WDFY4: variants seen among roughly 807,000 people sequenced by gnomAD.
WDFY4 encodes WDFY family member 4.
In WDFY4, 169 loss-of-function variants were observed where a neutral mutation model predicts 351.9. The observed-to-expected ratio is 0.48, with a 90% CI of 0.42 to 0.55. The LOEUF is 0.55. Ranked by LOEUF, WDFY4 falls within the 20% of genes least tolerant of loss-of-function variation. WDFY4 has a pLI of 0.00. For missense variants in WDFY4, 3,803 were observed against 3,935.6 expected (o/e 0.97, Z 0.90); for synonymous variants, 1,622 against 1,574.6 (o/e 1.03, Z -0.71).
At chr10:48,689,601 T>C (rs1014406493) in intron 1 of WDFY4, among the ~76,000 whole-genome samples, 4 of 152,254 alleles carry the variant, frequency 2.6e-5, no homozygotes, top group Non-Finnish European at 4.4e-5. Flanking sequence ...AAATTACACA[T>C]GTGGCTGGAA....
At chr10:48,772,342 G>A (rs2065890362) in intron 13 of WDFY4, among the ~76,000 whole-genome samples, 1 of 152,030 alleles carries the variant, frequency 6.6e-6, no homozygotes, top group Admixed American at 6.5e-5. Context: ...GTGCACACAG[G>A]CATGTATGGT....
At chr10:48,840,328 G>C (rs2068553499) in intron 39 of WDFY4, among the ~76,000 whole-genome samples, 1 of 151,896 alleles carries the variant, frequency 6.6e-6, no homozygotes, top group South Asian at 2.1e-4. Flanking sequence ...GGGGCGGTGG[G>C]GAGGGGCTCC....
intron 1 of WDFY4, among the ~76,000 whole-genome samples, chr10:48,700,312 T>A (rs1227369806): frequency 2.0e-5 from 3 of 152,196 alleles, no homozygotes; most frequent in African/African-American, 7.2e-5. Context: ...AGACTGTGCT[T>A]TGGGGGCCCT....
intron 19 of WDFY4, among the ~76,000 whole-genome samples, chr10:48,786,032 T>C (rs183485052): frequency 2.0e-5 from 3 of 152,336 alleles, no homozygotes; most frequent in Non-Finnish European, 4.4e-5. Flanking sequence ...TTTTCCATCA[T>C]CACTTAGGAA....
intron 13 of WDFY4, among the ~76,000 whole-genome samples, chr10:48,770,595 G>T (rs2065831287): frequency 6.8e-6 from 1 of 146,780 alleles, no homozygotes; most frequent in South Asian, 2.2e-4. Context: ...GTTTTGAGAA[G>T]AGAAGCAGGG....
chr10:48,826,508 A>G (rs2068016942), intron 35 of WDFY4, among the ~76,000 whole-genome samples, 163 bp from the exon 36 acceptor site: 1 of 152,322 alleles, frequency 6.6e-6, no homozygotes, highest in East Asian at 1.9e-4. Flanking sequence ...TGTGAAGAAT[A>G]TCAATGGTAG....
At chr10:48,732,342 C>T (rs910286370) in intron 9 of WDFY4, among the ~76,000 whole-genome samples, 1 of 152,184 alleles carries the variant, frequency 6.6e-6, no homozygotes, top group Admixed American at 6.5e-5. Flanking sequence ...AGTCTGTCTA[C>T]ACCTGCTGCT....
chr10:48,750,372 C>A (rs1045072565), intron 12 of WDFY4, among the ~76,000 whole-genome samples: 6 of 152,234 alleles, frequency 3.9e-5, no homozygotes, highest in African/African-American at 1.4e-4. Context: ...TCTGGGGGTC[C>A]TGCCTGCCCA....
intron 31 of WDFY4, among the ~76,000 whole-genome samples, chr10:48,815,668 A>G (rs1025159392): frequency 6.6e-6 from 1 of 152,072 alleles, no homozygotes; most frequent in East Asian, 1.9e-4. Flanking sequence ...CATGTTGGCC[A>G]GGCTCAGAAG....
At chr10:48,716,764 A>G (rs2063924096) in intron 2 of WDFY4, among the ~76,000 whole-genome samples, 1 of 152,216 alleles carries the variant, frequency 6.6e-6, no homozygotes. Flanking sequence ...GATGCTTCTG[A>G]GTCAAATGCC....
chr10:48,906,814 A>G (rs935629459), intron 47 of WDFY4, among the ~76,000 whole-genome samples: 1 of 152,246 alleles, frequency 6.6e-6, no homozygotes, highest in African/African-American at 2.4e-5. Context: ...TAAAGGGGAA[A>G]AAATAGGTGT....
chr10:48,868,369 A>G (rs2069629869), intron 40 of WDFY4, among the ~76,000 whole-genome samples: 1 of 152,172 alleles, frequency 6.6e-6, no homozygotes, highest in Admixed American at 6.5e-5. Flanking sequence ...TGTGATAGTC[A>G]GAGGGATCAG....
Position 48,959,821 on chromosome 10 carries a change from A to G in WDFY4, c.8223+8A>G, listed in dbSNP as rs1438312238. 3 of 1,546,192 alleles carry G rather than the reference A, an allele frequency of 1.9e-6. No homozygotes were observed. The highest frequency in any genetic ancestry group is 2.6e-6 in the Non-Finnish European group (3 of 1,143,770). On this transcript the variant is annotated splice_region_variant and intron_variant, in intron 53 of 61. Transcript: ENST00000325239. ...ATCAGCCTGCACAGAAAGGTGAGTC[A>G]GGCCAGGACCCCTGGTATCCTGCTG...
chr10:48,783,707 A>G (rs1029217953), intron 19 of WDFY4, among the ~76,000 whole-genome samples: 4 of 152,170 alleles, frequency 2.6e-5, no homozygotes, highest in African/African-American at 9.7e-5. Context: ...AAAATCTTGT[A>G]TACTGCTTAG....
At chr10:48,812,540 C>T (rs1459949743) in intron 30 of WDFY4, among the ~76,000 whole-genome samples, 1 of 152,108 alleles carries the variant, frequency 6.6e-6, no homozygotes, top group Admixed American at 6.6e-5. Context: ...CAACCCGTTC[C>T]TCATAAGCCA....
intron 47 of WDFY4, among the ~76,000 whole-genome samples, chr10:48,907,570 A>T (rs1451425584): frequency 4.6e-5 from 7 of 152,350 alleles, no homozygotes; most frequent in South Asian, 4.1e-4. Flanking sequence ...CAAATAACTT[A>T]AAAAACCTAC....
chr10:48,953,136 C>T (rs756912427), intron 51 of WDFY4, among the ~76,000 whole-genome samples: 25 of 152,106 alleles, frequency 1.6e-4, no homozygotes, highest in Non-Finnish European at 2.6e-4. Flanking sequence ...ACTTCTATCC[C>T]CTTCTCCTTT....
At chr10:48,947,444 C>CA (rs1301641540) in intron 51 of WDFY4, among the ~76,000 whole-genome samples, 1 of 152,228 alleles carries the variant, frequency 6.6e-6, no homozygotes, top group African/African-American at 2.4e-5. Context: ...CATACGCTAA[C>CA]AGACCATTAT....
At chr10:48,946,991 T>TATAC in intron 51 of WDFY4, 22 bp downstream of exon 51, 1 of 1,099,482 alleles carries the variant, frequency 9.1e-7, no homozygotes, top group Non-Finnish European at 1.3e-6. Context: ...CCACTCTCTG[T>TATAC]ACACACACAC....
Sources: gnomAD v4.1 joint callset for allele counts (sites outside exome capture counted in the v4.1 genomes callset) on GRCh38, gnomAD v4.1.1 for gene constraint, MANE v1.5 for transcripts, NCBI Gene and HGNC (gene_info 2026-07-23, HGNC 2026-07-21) for gene names.